Variants in DDX50 observed in about 807,000 individuals in gnomAD.
DDX50 encodes DExD-box helicase 50.
DDX50 carries 56 observed loss-of-function variants against 94.8 expected under a neutral mutation model. The observed-to-expected ratio is 0.59, with a 90% CI of 0.48 to 0.74. The LOEUF (loss-of-function observed/expected upper bound fraction) is 0.74. Among genes scored for constraint, DDX50 ranks in the 30% least tolerant of loss-of-function variants. DDX50 has a pLI of 0.00. For missense variants in DDX50, 713 were observed against 881.2 expected (o/e 0.81, Z 2.42); for synonymous variants, 264 against 295.4 (o/e 0.89, Z 1.09).
intron 10 of DDX50, among the ~76,000 whole-genome samples, chr10:68,935,788 T>G (rs928097443): frequency 6.6e-6 from 1 of 152,060 alleles, no homozygotes; most frequent in African/African-American, 2.4e-5. Flanking sequence ...TGAGCCAAGA[T>G]CACGCCACTG....
At chr10:68,936,515 A>AATATATATATATAT (rs869117307) in intron 11 of DDX50, among the ~76,000 whole-genome samples, 4 of 53,142 alleles carry the variant, frequency 7.5e-5, no homozygotes, top group South Asian at 2.0e-3. Context: ...AAAAAAAAAA[A>AATATATATATATAT]ATATATATAT....
At chr10:68,916,157 C>G (rs1427005263) in intron 7 of DDX50, among the ~76,000 whole-genome samples, 1 of 151,922 alleles carries the variant, frequency 6.6e-6, no homozygotes, top group Non-Finnish European at 1.5e-5. Flanking sequence ...AGTTCGAGAC[C>G]AGCCTGGCCA....
intron 13 of DDX50, among the ~76,000 whole-genome samples, chr10:68,941,786 C>T (rs1457088904): frequency 1.3e-5 from 2 of 152,012 alleles, no homozygotes; most frequent in African/African-American, 4.8e-5. Context: ...ATTACAGGTG[C>T]CCGCCACTAT....
intron 3 of DDX50, 83 bp from the exon 4 acceptor site, chr10:68,910,985 A>G: frequency 4.5e-6 from 5 of 1,121,882 alleles, no homozygotes; most frequent in Non-Finnish European, 6.1e-6. Flanking sequence ...ACATAGAAGA[A>G]TTATGATTGT....
chr10:68,940,847 T>C (rs947523993), intron 12 of DDX50, among the ~76,000 whole-genome samples: 1 of 152,224 alleles, frequency 6.6e-6, no homozygotes. Flanking sequence ...TAGAATTAAA[T>C]AGAGTCTTAC....
At chr10:68,931,431 A>ATATGTATATATATATAT in intron 8 of DDX50, among the ~76,000 whole-genome samples, 1 of 119,180 alleles carries the variant, frequency 8.4e-6, no homozygotes, top group Non-Finnish European at 1.7e-5. Context: ...ATATATACAC[A>ATATGTATATATATATAT]AACACACACA....
chr10:68,940,981 T>C, intron 12 of DDX50, 79 bp from the exon 13 acceptor site: 1 of 1,522,670 alleles, frequency 6.6e-7, no homozygotes, highest in Non-Finnish European at 8.8e-7. Context: ...CAGTTAAGTC[T>C]TGAAGGATTA....
At chr10:68,917,406 C>T (rs1841827332) in intron 7 of DDX50, among the ~76,000 whole-genome samples, 1 of 152,128 alleles carries the variant, frequency 6.6e-6, no homozygotes, top group African/African-American at 2.4e-5. Flanking sequence ...TTGCAGTGAG[C>T]TGAGATCGTG....
chr10:68,921,446 G>A (rs1374908220), intron 8 of DDX50, among the ~76,000 whole-genome samples: 4 of 152,036 alleles, frequency 2.6e-5, no homozygotes, highest in Non-Finnish European at 5.9e-5. Flanking sequence ...TCCCCATGAT[G>A]TCATTTAGCA....
chr10:68,904,675 C>T (rs2132018775), intron 1 of DDX50, among the ~76,000 whole-genome samples: 1 of 152,324 alleles, frequency 6.6e-6, no homozygotes, highest in Middle Eastern at 3.4e-3. Context: ...TGTTACTGGG[C>T]TTAGACCGAG....
chr10:68,929,922 G>A (rs1309439462), intron 8 of DDX50, among the ~76,000 whole-genome samples: 6 of 151,354 alleles, frequency 4.0e-5, no homozygotes, highest in East Asian at 1.9e-4. Context: ...TAGTGGAGAC[G>A]GGGTTTTGCC....
At chr10:68,910,712 A>G (rs1841600688) in intron 3 of DDX50, among the ~76,000 whole-genome samples, 1 of 152,196 alleles carries the variant, frequency 6.6e-6, no homozygotes, top group South Asian at 2.1e-4. Context: ...AAAGGTTTGC[A>G]GTTTTAATGG....
At chr10:68,907,318 T>TC (rs1841486382) in intron 2 of DDX50, among the ~76,000 whole-genome samples, 1 of 15,816 alleles carries the variant, frequency 6.3e-5, no homozygotes, top group Admixed American at 5.9e-4. Context: ...TTCTTTTTTC[T>TC]TTTTTTTTTT....
Position 68,934,232 on chromosome 10 carries a change from T to A in DDX50, c.1273T>A (p.Ser425Thr). 1 of 1,612,134 alleles carries A rather than the reference T, an allele frequency of 6.2e-7. No homozygotes were observed. Among genetic ancestry groups the A allele is most frequent in the South Asian group, 1.1e-5 (1 of 90,988 alleles). Reference sequence around the variant, plus strand: ...GTGTTTACATGGGGACATTGCACAGTCACAAAGAGAAATTACACTAAAAGG... The same window carrying A: ...GTGTTTACATGGGGACATTGCACAGACACAAAGAGAAATTACACTAAAAGG... The part of the protein sequence containing the change: ...AQCLHGDIAQ[S>T]QREITLKGFR... Residue 425 changes from serine (S) to threonine (T), a missense_variant, in exon 9 of 15, where the codon TCA (serine) becomes ACA (threonine). Around this residue, in one of 2 missense-constraint regions of DDX50, gnomAD observed 428 missense variants for 602.3 expected, o/e 0.71. Transcript: ENST00000373585. This position sits in a 1 kb window ranked among gnomAD's most constrained non-coding sequence, Gnocchi z 4.0.
intron 8 of DDX50, among the ~76,000 whole-genome samples, chr10:68,924,667 TAA>T (rs35148481): frequency 6.6e-5 from 10 of 150,750 alleles, no homozygotes; most frequent in East Asian, 1.9e-4. Context: ...GTAAAGCTGT[TAA>T]AAAAAAAAGG....
chr10:68,931,394 T>A (rs200782366), intron 8 of DDX50, among the ~76,000 whole-genome samples: 3,107 of 34,408 alleles, frequency 0.09, 47 homozygotes, highest in Middle Eastern at 0.11. Context: ...AAAAAAAAAA[T>A]ATATATATAT....
At chr10:68,922,218 C>T (rs1419652504) in intron 8 of DDX50, among the ~76,000 whole-genome samples, 1 of 151,940 alleles carries the variant, frequency 6.6e-6, no homozygotes, top group Non-Finnish European at 1.5e-5. Flanking sequence ...CAGGATCTTG[C>T]TGTGTTGCCC....
intron 8 of DDX50, among the ~76,000 whole-genome samples, chr10:68,928,518 A>T (rs190146120): frequency 3.0e-4 from 45 of 152,284 alleles, no homozygotes; most frequent in South Asian, 6.2e-4. Flanking sequence ...ATTATTTTTT[A>T]AAAAATTGTT....
intron 1 of DDX50, among the ~76,000 whole-genome samples, chr10:68,905,050 G>A (rs755303532): frequency 6.6e-6 from 1 of 152,088 alleles, no homozygotes; most frequent in East Asian, 1.9e-4. Flanking sequence ...GAGAGTGGCC[G>A]AGATTACAGG....
Sources: gnomAD v4.1 joint callset for allele counts (sites outside exome capture counted in the v4.1 genomes callset) on GRCh38, gnomAD v4.1.1 for gene constraint, gnomAD v4.1.1 regional missense constraint, Gnocchi (gnomAD v3.1) non-coding constraint, MANE v1.5 for transcripts, NCBI Gene and HGNC (gene_info 2026-07-23, HGNC 2026-07-21) for gene names.